CRACR2B: variants seen among roughly 807,000 people sequenced by gnomAD.
CRACR2B encodes EF-hand calcium-binding domain-containing protein 4A.
CRACR2B carries 50 observed loss-of-function variants against 46.0 expected under a neutral mutation model. The observed-to-expected ratio is 1.09, with a 90% CI of 0.87 to 1.38. The LOEUF (loss-of-function observed/expected upper bound fraction) is 1.38. CRACR2B is among the 40% of genes most tolerant of loss of function. The pLI is 0.00. For missense variants in CRACR2B, 667 were observed against 535.0 expected, an observed-to-expected ratio of 1.25 and a Z score of -2.43; for synonymous variants, 277 against 239.6, an observed-to-expected ratio of 1.16 and a Z score of -1.44.
Position 828,724 on chromosome 11 carries a change from G to C in CRACR2B, c.117G>C (p.Leu39=). The C allele has an allele frequency of 3.7e-6, 6 of 1,613,534 alleles. No individual in the cohort carries two copies. Among genetic ancestry groups the C allele is most frequent in the Non-Finnish European group, 5.1e-6 (6 of 1,179,906 alleles). The change falls in exon 1 of 9, where the codon CTG becomes CTC. Residue 39 remains leucine, a synonymous_variant. Coordinates refer to ENST00000525077, the MANE Select transcript of CRACR2B (RefSeq NM_001286606.2). ...TGGAGCAGGCTGAGGAGCTGTTTCT[G>C]CTGTGTGACAAGGAGGCTAAGGGCT... The part of the protein sequence containing the change: ...AILEQAEELF[L]LCDKEAKGFI...
upstream of CRACR2B, among the ~76,000 whole-genome samples, chr11:826,464 TC>T (rs1331419350): frequency 6.6e-6 from 1 of 152,176 alleles, no homozygotes; most frequent in Non-Finnish European, 1.5e-5. Context: ...CCTGCCTGAG[TC>T]CCCAGCTCGT....
intron 3 of CRACR2B, chr11:829,754 G>A: frequency 9.8e-7 from 1 of 1,015,442 alleles, no homozygotes; most frequent in Non-Finnish European, 1.4e-6. Context: ...GCAGGGAGGA[G>A]GGGCAGCGCC....
intron 8 of CRACR2B, 62 bp from the exon 9 acceptor site, chr11:831,473 C>T: frequency 6.6e-7 from 1 of 1,512,244 alleles, no homozygotes; most frequent in South Asian, 1.3e-5. Context: ...GGAGTCGGAG[C>T]TCACCTCCCC....
chr11:826,880 G>A (rs928567173), upstream of CRACR2B, among the ~76,000 whole-genome samples: 2 of 152,226 alleles, frequency 1.3e-5, no homozygotes, highest in African/African-American at 4.8e-5. Flanking sequence ...CACCCCTAGA[G>A]ATAACCGCTG....
intron 2 of CRACR2B, 80 bp downstream of exon 2, chr11:829,043 G>T: frequency 6.4e-7 from 1 of 1,552,694 alleles, no homozygotes. Flanking sequence ...GGCGCCCTGA[G>T]GGCTGCCGGT....
Position 828,839 on chromosome 11 carries a change from C to CT in CRACR2B, c.166-11dup, listed in dbSNP as rs756350831. ...ACCGCAGCGGCTCATCTCTGCTCTC[C>CT]TTCCCCGACCAGGGTCTCCAGAGCG... On this transcript the variant is annotated splice_polypyrimidine_tract_variant and intron_variant, in intron 1 of 8. Coordinates refer to ENST00000525077, the MANE Select transcript of CRACR2B (RefSeq NM_001286606.2). The CT allele has an allele frequency of 2.5e-6, 4 of 1,611,048 alleles. No homozygotes were observed. The South Asian group carries it at 4.4e-5, about 18-fold the overall frequency.
chr11:831,161 T>C, intron 7 of CRACR2B, 63 bp from the exon 8 acceptor site: 2 of 1,609,080 alleles, frequency 1.2e-6, no homozygotes, highest in South Asian at 2.2e-5. Flanking sequence ...GAGGATCTTC[T>C]AGGGGGTCCG....
intron 7 of CRACR2B, 88 bp downstream of exon 7, chr11:831,120 A>C (rs776459130): frequency 1.3e-6 from 2 of 1,574,594 alleles, no homozygotes; most frequent in Admixed American, 3.7e-5. Context: ...TTTCATCCCC[A>C]TCTCAAGTCC....
At chr11:828,990 A>AGAG in intron 2 of CRACR2B, 27 bp downstream of exon 2, 4 of 1,599,368 alleles carry the variant, frequency 2.5e-6, no homozygotes, top group Non-Finnish European at 3.4e-6. Context: ...CCTATCCCCC[A>AGAG]CTGCCCAGAG....
rs1389667003 is a variant in CRACR2B at position 830,984 on chromosome 11, T to A, written c.905T>A (p.Ile302Asn). The A allele has an allele frequency of 5.2e-6, 8 of 1,533,658 alleles. No homozygotes were observed. The East Asian group carries it at 1.5e-4, about 28-fold the overall frequency. Reference sequence around the variant, plus strand: ...CAGCTGGAGGGGGCGCAGGAGCAGATCCGCAGGCTGGAGAGCGAAGCACGA... The same window carrying A: ...CAGCTGGAGGGGGCGCAGGAGCAGAACCGCAGGCTGGAGAGCGAAGCACGA... ...RTQLEGAQEQ[I>N]RRLESEARGR... Residue 302 changes from isoleucine to asparagine, a missense_variant, in exon 7 of 9, where the codon ATC becomes AAC. Transcript: ENST00000525077.
In CRACR2B at chr11:831,973, A is replaced by C; in HGVS notation, c.*264A>C. ...GCAGAAAACCCCCTCGTCAAATAAA[A>C]CCCACTGACTGCACTGCGTCCTCCT... On this transcript the variant is annotated 3_prime_UTR_variant, in exon 9 of 9. Transcript: ENST00000525077. The C allele has an allele frequency of 6.4e-6, 3 of 470,292 alleles. No homozygotes were observed. Among genetic ancestry groups the C allele is most frequent in the Non-Finnish European group, 1.1e-5 (3 of 268,668 alleles). The allele number at this position is 470,292 out of a possible 1,614,324, so 29.1% of individuals were successfully genotyped here. A position where few individuals can be genotyped will look rare whatever the true frequency, so the allele number is the denominator to read the frequency against.
At position 829,473 on chromosome 11, in the gene CRACR2B, G is replaced by T. The variant is rs1658545353; in HGVS notation, c.391G>T (p.Glu131Ter). The part of the protein sequence containing the change: ...VQGTAGSLDE[E>*]EEEEERFHTV... ...GGGCACGGCGGGCTCTCTGGATGAG[G>T]AGGAGGAAGAGGAGGAGCGATTCCA... Residue 131 changes from glutamate to a stop codon, truncating the protein, a stop_gained, in exon 3 of 9, where the codon GAG becomes TAG. Coordinates refer to ENST00000525077, the MANE Select transcript of CRACR2B (RefSeq NM_001286606.2). LOFTEE classifies it high-confidence loss of function. 6.2e-7 allele frequency: 1 copy of T among 1,608,068 alleles called. No individual in the cohort carries two copies. The highest frequency in any genetic ancestry group is 8.5e-7 in the Non-Finnish European group (1 of 1,178,342).
At position 830,302 on chromosome 11, in the gene CRACR2B, C is replaced by T. The variant is rs1456078536; in HGVS notation, c.658C>T (p.Gln220Ter). The stretch of plus-strand genomic sequence containing the variant: ...GCGCGCTCTGTACGAGGAGACGGAG[C>T]AGCTTCGGGAGCAGAGCCGGCGCCC... Reference protein sequence around the residue: ...EVRALYEETEQLREQSRRPPS... With the variant: ...EVRALYEETE The change falls in exon 5 of 9, where the codon CAG (glutamine) becomes TAG (stop). Residue 220 changes from glutamine to a stop codon, truncating the protein, a stop_gained. Coordinates refer to ENST00000525077, the MANE Select transcript of CRACR2B (RefSeq NM_001286606.2). LOFTEE classifies it high-confidence loss of function. 12 of 1,533,688 alleles carry T rather than the reference C, an allele frequency of 7.8e-6. No individual in the cohort carries two copies. The highest frequency in any genetic ancestry group is 9.6e-6 in the Non-Finnish European group (11 of 1,142,586).
chr11:830,835 C>T lies in CRACR2B; in HGVS notation c.787-31C>T, dbSNP rs944616657. The T allele has an allele frequency of 8.7e-6, 13 of 1,498,146 alleles. No individual in the cohort carries two copies. In the African/African-American group the frequency reaches 1.8e-4, roughly 21 times the overall value. The allele number at this position is 1,498,146 out of a possible 1,614,324, so 92.8% of individuals were successfully genotyped here. ...AGCACCCCGGGGAAGAGGGGGCGTTCCTCGCCGGTCTCCATCCTTCCACCC... is the reference window on the plus strand; with the variant it reads ...AGCACCCCGGGGAAGAGGGGGCGTTTCTCGCCGGTCTCCATCCTTCCACCC... On this transcript the variant is annotated intron_variant, in intron 6 of 8. Transcript: ENST00000525077.
chr11:831,517 G>T lies in CRACR2B; in HGVS notation c.1026-18G>T, dbSNP rs746560369. ...AGCTCCCTCAGACCCTCTCAGTGTCGGACTCCTCCTTCCCTAGGGAGCTGA... is the reference window on the plus strand; with the variant it reads ...AGCTCCCTCAGACCCTCTCAGTGTCTGACTCCTCCTTCCCTAGGGAGCTGA... On this transcript the variant is annotated intron_variant, in intron 8 of 8. Transcript: ENST00000525077. 1 of 1,566,660 alleles carries T rather than the reference G, an allele frequency of 6.4e-7. No individual in the cohort carries two copies. Among genetic ancestry groups the T allele is most frequent in the Admixed American group, 2.0e-5 (1 of 49,640 alleles).
At position 828,422 on chromosome 11, in the gene CRACR2B, C is replaced by A. The variant is rs1846072012; in HGVS notation, c.-186C>A. Reference sequence around the variant, plus strand: ...CCACCCCAGTGACACCCCAAGCCTGCAGCATTTTCCACCCCCAGCCCCCTG... The same window carrying A: ...CCACCCCAGTGACACCCCAAGCCTGAAGCATTTTCCACCCCCAGCCCCCTG... On this transcript the variant is annotated 5_prime_UTR_variant, in exon 1 of 9. Coordinates refer to ENST00000525077, the MANE Select transcript of CRACR2B (RefSeq NM_001286606.2). 1.5e-6 allele frequency: 1 copy of A among 651,548 alleles called. No individual in the cohort carries two copies. The allele number at this position is 651,548 out of a possible 1,614,324, so 40.4% of individuals were successfully genotyped here. A position where few individuals can be genotyped will look rare whatever the true frequency, so the allele number is the denominator to read the frequency against.
At chr11:830,502 C>T (rs1846317101) in intron 5 of CRACR2B, 119 bp from the exon 6 acceptor site, 1 of 1,538,790 alleles carries the variant, frequency 6.5e-7, no homozygotes, top group Non-Finnish European at 8.7e-7. Flanking sequence ...CACCCCCGTC[C>T]GGTCTTCTCC....
chr11:831,261 A>C lies in CRACR2B; in HGVS notation c.991A>C (p.Lys331Gln), dbSNP rs1355192904. 1.9e-6 allele frequency: 3 copies of C among 1,611,104 alleles called. No individual in the cohort carries two copies. Among genetic ancestry groups the C allele is most frequent in the Middle Eastern group, 3.3e-4 (2 of 6,040 alleles). Reference sequence around the variant, plus strand: ...CGTCTCCAGGAACATGCAGAAAGAGAAAGTCAGCCTGCTACGGCAACTGGA... The same window carrying C: ...CGTCTCCAGGAACATGCAGAAAGAGCAAGTCAGCCTGCTACGGCAACTGGA... Reference protein sequence around the residue: ...VAVSRNMQKEKVSLLRQLELL... With the variant: ...VAVSRNMQKEQVSLLRQLELL... The change falls in exon 8 of 9, where the codon AAA (lysine) becomes CAA (glutamine). Residue 331 changes from lysine (K) to glutamine (Q), a missense_variant. Coordinates refer to ENST00000525077, the MANE Select transcript of CRACR2B (RefSeq NM_001286606.2).
Position 829,974 on chromosome 11 carries a change from C to G in CRACR2B, c.459-12C>G. The G allele has an allele frequency of 6.4e-7, 1 of 1,558,992 alleles. No homozygotes were observed. The highest frequency in any genetic ancestry group is 8.6e-7 in the Non-Finnish European group (1 of 1,158,874). The stretch of plus-strand genomic sequence containing the variant: ...CTGCCAGCTCCAGCCTCAGTTCCCG[C>G]CCGCCCTCCAGGCAGCGGGCTGTGA... On this transcript the variant is annotated splice_polypyrimidine_tract_variant and intron_variant, in intron 3 of 8. Transcript: ENST00000525077.
Sources: allele counts gnomAD v4.1 joint callset (sites outside exome capture counted in the v4.1 genomes callset), GRCh38; gene constraint gnomAD v4.1.1; transcripts MANE v1.5; gene names NCBI Gene and HGNC (gene_info 2026-07-23, HGNC 2026-07-21).